The following CLGN variants were observed in gnomAD, a reference collection of about 807,000 sequenced individuals.
CLGN encodes testis tissue sperm-binding protein Li 79P.
Under a neutral mutation model 79.1 loss-of-function variants are expected in CLGN, and 62 were observed. That is an observed-to-expected ratio of 0.78 (90% CI 0.64 to 0.97). The LOEUF (loss-of-function observed/expected upper bound fraction) is 0.97, where lower values mean the gene tolerates loss of function less well. CLGN is among the 50% of genes least tolerant of loss of function. The probability of loss-of-function intolerance (pLI) is 0.00; values close to 1 mark genes in which losing one functional copy is unlikely to be tolerated. For synonymous variants in CLGN, 225 were observed against 224.7 expected, an observed-to-expected ratio of 1.00 and a Z score of -0.01; for missense variants, 647 against 715.5, an observed-to-expected ratio of 0.90 and a Z score of 1.09.
chr4:140,415,202 G>A (rs1252947891), intron 1 of CLGN, among the ~76,000 whole-genome samples: 17 of 152,166 alleles, frequency 1.1e-4, no homozygotes, highest in South Asian at 8.3e-4. Context: ...TGAAGGAAGC[G>A]CTAAACATGG....
chr4:140,389,986 A>G (rs1399786775), intron 14 of CLGN, among the ~76,000 whole-genome samples: 1 of 151,710 alleles, frequency 6.6e-6, no homozygotes, highest in Non-Finnish European at 1.5e-5. Context: ...GCCAGAGAAA[A>G]CTGGTTTTTG....
intron 4 of CLGN, among the ~76,000 whole-genome samples, chr4:140,406,544 A>G (rs1410297997): frequency 6.6e-6 from 1 of 152,250 alleles, no homozygotes. Flanking sequence ...TACTTGCAGC[A>G]GTTATTGTAA....
intron 5 of CLGN, among the ~76,000 whole-genome samples, chr4:140,402,288 C>T (rs1729013983): frequency 6.6e-6 from 1 of 151,906 alleles, no homozygotes; most frequent in South Asian, 2.1e-4. Context: ...AGAATGATTA[C>T]AATCAACTGC....
intron 1 of CLGN, among the ~76,000 whole-genome samples, chr4:140,416,493 G>T (rs1324893301): frequency 6.6e-6 from 1 of 152,058 alleles, no homozygotes; most frequent in Admixed American, 6.5e-5. Context: ...GAATCTAATA[G>T]ACGCAGCAAA....
intron 7 of CLGN, 126 bp downstream of exon 7, chr4:140,400,231 A>G (rs1384907775): frequency 3.1e-6 from 2 of 640,506 alleles, no homozygotes; most frequent in African/African-American, 1.9e-5. Context: ...TACATGTCCT[A>G]TTTTCTGAAA....
Position 140,395,913 on chromosome 4 carries a change from C to T in CLGN, c.1055G>A (p.Arg352Gln), listed in dbSNP as rs370752860. Reference protein sequence around the residue: ...EAPQILNPACRIGCGEWKPPM... With the variant: ...EAPQILNPACQIGCGEWKPPM... ...AGGTTTCCACTCACCACACCCAATCCGACATGCTGGATTAAGAATCTGAGG... is the reference window on the plus strand; with the variant it reads ...AGGTTTCCACTCACCACACCCAATCTGACATGCTGGATTAAGAATCTGAGG... The change falls in exon 10 of 15, where the codon CGG becomes CAG. Residue 352 changes from arginine to glutamine, a missense_variant. Transcript: ENST00000325617. The T allele has an allele frequency of 2.8e-5, 45 of 1,605,976 alleles. No homozygotes were observed. Among genetic ancestry groups the T allele is most frequent in the Non-Finnish European group, 3.5e-5 (41 of 1,177,198 alleles).
intron 4 of CLGN, 89 bp from the exon 5 acceptor site, chr4:140,406,172 C>T (rs1037112208): frequency 1.5e-6 from 2 of 1,291,896 alleles, no homozygotes; most frequent in Non-Finnish European, 2.1e-6. Context: ...TAATTTTTAT[C>T]CAGGAAGCCT....
chr4:140,402,647 A>G (rs1729021010), intron 5 of CLGN, among the ~76,000 whole-genome samples: 1 of 152,146 alleles, frequency 6.6e-6, no homozygotes. Context: ...ACTGTTTAGT[A>G]TAACAGCTAA....
At chr4:140,427,012 C>A (rs575391910) in intron 1 of CLGN, among the ~76,000 whole-genome samples, 2 of 152,326 alleles carry the variant, frequency 1.3e-5, no homozygotes, top group East Asian at 3.9e-4. Context: ...ACTGAGACAG[C>A]CGAGCCTATT....
rs370850458 is a variant in CLGN, at chr4:140,392,393, A to G, written c.1492-15T>C. 1.2e-5 allele frequency: 19 copies of G among 1,577,180 alleles called. No individual in the cohort carries two copies. The highest frequency in any genetic ancestry group is 4.1e-5 in the African/African-American group (3 of 72,524). On this transcript the variant is annotated splice_polypyrimidine_tract_variant and intron_variant, in intron 12 of 14. Coordinates refer to ENST00000325617, the MANE Select transcript of CLGN (RefSeq NM_004362.3). ...TTATGTTTTTTCTGTGGTAGTTAAC[A>G]TAAGTTATTTTTACTAAAGGCAGAG... is the stretch of plus-strand genomic sequence containing the variant.
At position 140,399,049 on chromosome 4, in the gene CLGN, C is replaced by A. The variant is rs370040902; in HGVS notation, c.695-9G>T. 6.3e-7 allele frequency: 1 copy of A among 1,584,586 alleles called. No individual in the cohort carries two copies. Among genetic ancestry groups the A allele is most frequent in the African/African-American group, 1.4e-5 (1 of 73,208 alleles). ...GTCATCTGGATTCATCACTAAGGGA[C>A]CAATTTAAATAAATTATAGTTATCA... On this transcript the variant is annotated splice_polypyrimidine_tract_variant and intron_variant, in intron 7 of 14. Transcript: ENST00000325617.
In CLGN at chr4:140,409,915, T is replaced by G; in HGVS notation, c.219-20A>C. 1 of 1,541,208 alleles carries G rather than the reference T, an allele frequency of 6.5e-7. No homozygotes were observed. Among genetic ancestry groups the G allele is most frequent in the Non-Finnish European group, 8.9e-7 (1 of 1,123,060 alleles). On this transcript the variant is annotated intron_variant, in intron 3 of 14. Coordinates refer to ENST00000325617, the MANE Select transcript of CLGN (RefSeq NM_004362.3). The stretch of plus-strand genomic sequence containing the variant: ...ACCCATCTGTAAATAAAGTTGAACA[T>G]ACATATATGTCATTGACAATAAAAG...
intron 12 of CLGN, 37 bp from the exon 13 acceptor site, chr4:140,392,415 A>C: frequency 6.4e-7 from 1 of 1,561,024 alleles, no homozygotes; most frequent in South Asian, 1.2e-5. Flanking sequence ...TACTAAAGGC[A>C]GAGTGCTATT....
chr4:140,416,221 T>C (rs1340662056), intron 1 of CLGN, among the ~76,000 whole-genome samples: 1 of 42,100 alleles, frequency 2.4e-5, no homozygotes, highest in African/African-American at 1.0e-4. Flanking sequence ...GGGAAATTTA[T>C]AGCACTAAAT....
At chr4:140,410,480 T>G (rs1729189128) in intron 3 of CLGN, 73 bp downstream of exon 3, 1 of 1,069,086 alleles carries the variant, frequency 9.4e-7, no homozygotes, top group Non-Finnish European at 1.4e-6. Context: ...GAGATAATTT[T>G]CATAGGCCAA....
At position 140,398,935 on chromosome 4, in the gene CLGN, A is replaced by G. The variant is rs748640655; in HGVS notation, c.800T>C (p.Ile267Thr). Residue 267 changes from isoleucine to threonine, a missense_variant, in exon 8 of 15, where the codon ATT (isoleucine) becomes ACT (threonine). Physicochemically the swap from Ile to Thr is moderately conservative, Grantham distance 89. Coordinates refer to ENST00000325617, the MANE Select transcript of CLGN (RefSeq NM_004362.3). ...VVPPIKPPKEIEDPNDKKPEE... is the reference protein window; with the variant it reads ...VVPPIKPPKETEDPNDKKPEE... ...AGGTTTTTTATCATTGGGATCTTCA[A>G]TTTCTTTGGGAGGTTTGATAGGAGG... is the stretch of plus-strand genomic sequence containing the variant. The G allele has an allele frequency of 3.1e-6, 5 of 1,613,694 alleles. No individual in the cohort carries two copies. The Admixed American group carries it at 5.0e-5, about 16-fold the overall frequency.
At chr4:140,394,659 C>T (rs933879299) in intron 10 of CLGN, among the ~76,000 whole-genome samples, 3 of 151,922 alleles carry the variant, frequency 2.0e-5, no homozygotes, top group Non-Finnish European at 4.4e-5. Context: ...AGTTTAAAGT[C>T]AAATAAAAGA....
Position 140,392,219 on chromosome 4 carries a change from C to A in CLGN, c.1651G>T (p.Glu551Ter). 8 of 1,611,882 alleles carry A rather than the reference C, an allele frequency of 5.0e-6. No homozygotes were observed. The highest frequency in any genetic ancestry group is 6.8e-6 in the Non-Finnish European group (8 of 1,179,110). Residue 551 changes from glutamate to a stop codon, truncating the protein, a stop_gained and splice_region_variant, in exon 13 of 15, where the codon GAA becomes TAA. Transcript: ENST00000325617. LOFTEE classifies it high-confidence loss of function. Reference sequence around the variant, plus strand: ...TTATAAATCACTCTCATCATCTTACCTTTTTCAAGCATTTCACCATCATTT... The same window carrying A: ...TTATAAATCACTCTCATCATCTTACATTTTTCAAGCATTTCACCATCATTT... The part of the protein sequence containing the change: ...KQNDGEMLEK[E>*]EESEPEEKSE...
chr4:140,417,566 CAGAG>C (rs1159994561), intron 1 of CLGN, among the ~76,000 whole-genome samples: 3 of 143,836 alleles, frequency 2.1e-5, no homozygotes, highest in Non-Finnish European at 4.6e-5. Context: ...AACAGACAAA[CAGAG>C]AGCCAAATCA....
Sources: gnomAD v4.1 joint callset for allele counts (sites outside exome capture counted in the v4.1 genomes callset) on GRCh38, gnomAD v4.1.1 for gene constraint, MANE v1.5 for transcripts, NCBI Gene and HGNC (gene_info 2026-07-23, HGNC 2026-07-21) for gene names.